The following PBX1 variants were observed in gnomAD, a reference collection of about 807,000 sequenced individuals.
PBX1 encodes the protein PBX homeobox 1, also known as pre-B-cell leukemia transcription factor 1.
Under a neutral mutation model 53.4 loss-of-function variants are expected in PBX1, and 6 were observed. The observed-to-expected ratio is 0.11, with a 90% CI of 0.06 to 0.22. The LOEUF (loss-of-function observed/expected upper bound fraction) is 0.22, where lower values mean the gene tolerates loss of function less well. Ranked by LOEUF, PBX1 falls within the 10% of genes least tolerant of loss-of-function variation. The pLI is 1.00. For missense variants in PBX1, 251 were observed against 551.4 expected, an observed-to-expected ratio of 0.46 and a Z score of 5.46; for synonymous variants, 204 against 212.3, an observed-to-expected ratio of 0.96 and a Z score of 0.34.
At chr1:164,653,097 C>T (rs759334432) in intron 2 of PBX1, among the ~76,000 whole-genome samples, 4 of 152,028 alleles carry the variant, frequency 2.6e-5, no homozygotes, top group African/African-American at 9.7e-5. Flanking sequence ...GAACTCCTGA[C>T]CTCAAGTGAT....
At chr1:164,755,851 C>G (rs1666485387) in intron 2 of PBX1, among the ~76,000 whole-genome samples, 2 of 151,966 alleles carry the variant, frequency 1.3e-5, no homozygotes, top group Non-Finnish European at 1.5e-5. Context: ...CATGTAACTC[C>G]CTGGCTCCTG....
intron 2 of PBX1, among the ~76,000 whole-genome samples, chr1:164,723,371 C>T (rs890168191): frequency 3.9e-5 from 6 of 152,134 alleles, no homozygotes; most frequent in Non-Finnish European, 5.9e-5. Flanking sequence ...AGTTGTGAAC[C>T]CTTCCCAGAA....
chr1:164,698,539 C>T (rs571218443), intron 2 of PBX1, among the ~76,000 whole-genome samples: 1 of 152,142 alleles, frequency 6.6e-6, no homozygotes, highest in South Asian at 2.1e-4. Context: ...TACATCTCGG[C>T]ATTCAGGACT....
At chr1:164,587,412 A>G (rs891535607) in intron 2 of PBX1, among the ~76,000 whole-genome samples, 11 of 152,128 alleles carry the variant, frequency 7.2e-5, no homozygotes, top group Admixed American at 5.9e-4. Flanking sequence ...TGAATGATTA[A>G]TAAGATCCCT....
intron 2 of PBX1, among the ~76,000 whole-genome samples, chr1:164,876,005 T>TATATATATAC (rs1487676214): frequency 7.0e-5 from 4 of 56,794 alleles, no homozygotes; most frequent in Admixed American, 3.1e-4. Flanking sequence ...TATATATATA[T>TATATATATAC]ACACACATAC....
intron 2 of PBX1, among the ~76,000 whole-genome samples, chr1:164,671,727 T>A (rs900184780): frequency 6.6e-6 from 1 of 152,050 alleles, no homozygotes; most frequent in Non-Finnish European, 1.5e-5. Context: ...AGGTTAAGAG[T>A]AAGCAGGTTA....
At chr1:164,603,813 CT>C (rs36035399) in intron 2 of PBX1, among the ~76,000 whole-genome samples, 3 of 151,062 alleles carry the variant, frequency 2.0e-5, no homozygotes, top group Non-Finnish European at 2.9e-5. Flanking sequence ...ATGTTTTATA[CT>C]TTTCAGTTTA....
intron 8 of PBX1, among the ~76,000 whole-genome samples, chr1:164,834,438 G>A (rs1670930653): frequency 1.3e-5 from 2 of 151,636 alleles, no homozygotes; most frequent in South Asian, 2.1e-4. Flanking sequence ...CCACTTCCTG[G>A]GTTCAAGCAA....
intron 2 of PBX1, among the ~76,000 whole-genome samples, chr1:164,859,259 C>T (rs1672041412): frequency 6.6e-6 from 1 of 152,166 alleles, no homozygotes; most frequent in African/African-American, 2.4e-5. Context: ...TGGCCTGGAT[C>T]ATTCTCCAGG....
At chr1:164,657,771 A>T (rs975028090) in intron 2 of PBX1, among the ~76,000 whole-genome samples, 1 of 152,114 alleles carries the variant, frequency 6.6e-6, no homozygotes, top group African/African-American at 2.4e-5. Flanking sequence ...TCTTTTTTCT[A>T]CCTGAGTTAG....
intron 2 of PBX1, among the ~76,000 whole-genome samples, chr1:164,870,266 C>CTTCCTTCT (rs71097553): frequency 1.1e-4 from 5 of 45,202 alleles, no homozygotes; most frequent in East Asian, 5.8e-4. Context: ...TCCTTCCTTC[C>CTTCCTTCT]TTCTTTCTTT....
At chr1:164,787,406 A>G (rs1395091697) in intron 2 of PBX1, among the ~76,000 whole-genome samples, 1 of 151,976 alleles carries the variant, frequency 6.6e-6, no homozygotes, top group African/African-American at 2.4e-5. Flanking sequence ...GGAAGTTTGA[A>G]TCTGAGCAGA....
intron 2 of PBX1, among the ~76,000 whole-genome samples, chr1:164,875,421 G>A (rs1672480367): frequency 1.3e-5 from 2 of 152,094 alleles, no homozygotes. Context: ...TCACACTTCA[G>A]CCTCCCTTGT....
chr1:164,568,921 C>T (rs2101704784), intron 2 of PBX1, among the ~76,000 whole-genome samples: 1 of 152,316 alleles, frequency 6.6e-6, no homozygotes, highest in East Asian at 1.9e-4. Flanking sequence ...AGTGTCTTAC[C>T]CGAAGGTCTT....
intron 3 of PBX1, among the ~76,000 whole-genome samples, chr1:164,798,840 C>T (rs188124979): frequency 5.4e-4 from 82 of 152,244 alleles, no homozygotes; most frequent in African/African-American, 1.9e-3. Context: ...CTTCAGAAGG[C>T]CAGAACAGGA....
intron 2 of PBX1, among the ~76,000 whole-genome samples, chr1:164,874,683 G>A (rs577371494): frequency 3.9e-5 from 6 of 152,134 alleles, no homozygotes; most frequent in Admixed American, 2.6e-4. Context: ...TGGTAGAGAC[G>A]AGTTTTCTCC....
At chr1:164,671,688 G>C (rs7548744) in intron 2 of PBX1, among the ~76,000 whole-genome samples, 1 of 152,060 alleles carries the variant, frequency 6.6e-6, no homozygotes, top group African/African-American at 2.4e-5. Context: ...GATTTTTTCT[G>C]GGGGGCAGGG....
intron 2 of PBX1, among the ~76,000 whole-genome samples, chr1:164,600,570 G>C (rs543993287): frequency 6.6e-6 from 1 of 152,126 alleles, no homozygotes; most frequent in African/African-American, 2.4e-5. Flanking sequence ...TTTAACTAAA[G>C]TCTGCCTGCA....
At chr1:164,702,953 A>G (rs371066030) in intron 2 of PBX1, 1 of 152,118 alleles carries the variant, frequency 6.6e-6, no homozygotes, top group East Asian at 1.9e-4. Flanking sequence ...AGCTCCACTG[A>G]TATCCAACCA....
Sources: allele counts gnomAD v4.1 joint callset (sites outside exome capture counted in the v4.1 genomes callset), GRCh38; gene constraint gnomAD v4.1.1; transcripts MANE v1.5; gene names NCBI Gene and HGNC (gene_info 2026-07-23, HGNC 2026-07-21).